Variants in FER observed in about 807,000 individuals in gnomAD.
FER encodes the protein FER tyrosine kinase, also known as tyrosine-protein kinase Fer.
A neutral mutation model predicts 111.0 loss-of-function variants in FER; 63 were observed. The observed-to-expected ratio is 0.57, with a 90% CI of 0.46 to 0.70. The LOEUF (loss-of-function observed/expected upper bound fraction) is 0.70, where lower values mean the gene tolerates loss of function less well. Ranked by LOEUF, FER falls within the 30% of genes least tolerant of loss-of-function variation. The pLI is 0.00. For missense variants in FER, 914 were observed against 954.0 expected, an observed-to-expected ratio of 0.96 and a Z score of 0.55; for synonymous variants, 327 against 313.9, an observed-to-expected ratio of 1.04 and a Z score of -0.44.
At chr5:108,918,519 C>G (rs1386837615) in intron 10 of FER, among the ~76,000 whole-genome samples, 1 of 145,742 alleles carries the variant, frequency 6.9e-6, no homozygotes, top group Admixed American at 6.9e-5. Context: ...TGGAGTCTCG[C>G]TCTGTTGCCC....
At chr5:108,871,730 A>T (rs1764619152) in intron 7 of FER, among the ~76,000 whole-genome samples, 1 of 151,882 alleles carries the variant, frequency 6.6e-6, no homozygotes, top group Non-Finnish European at 1.5e-5. Context: ...TCCATATTTA[A>T]TCCATGCTTA....
At chr5:108,959,185 A>T (rs755046936) in intron 12 of FER, 40 bp from the exon 13 acceptor site, 2 of 1,581,706 alleles carry the variant, frequency 1.3e-6, no homozygotes, top group African/African-American at 2.7e-5. Flanking sequence ...TTCTAAAGCA[A>T]TGTCTTCACA....
At chr5:109,064,475 C>G (rs1373521810) in intron 16 of FER, among the ~76,000 whole-genome samples, 1 of 152,108 alleles carries the variant, frequency 6.6e-6, no homozygotes, top group Non-Finnish European at 1.5e-5. Flanking sequence ...ATATCTATAA[C>G]TATTACTCTG....
At chr5:109,186,072 T>C in intron 18 of FER, 128 bp from the exon 19 acceptor site, 3 of 1,315,644 alleles carry the variant, frequency 2.3e-6, no homozygotes, top group East Asian at 2.3e-5. Flanking sequence ...ACCACTGTCA[T>C]ATATGTGCTC....
chr5:109,065,860 G>A (rs1561849521), intron 16 of FER, among the ~76,000 whole-genome samples: 1 of 152,174 alleles, frequency 6.6e-6, no homozygotes, highest in Non-Finnish European at 1.5e-5. Flanking sequence ...ATTCCAGAGA[G>A]AATATGATTG....
intron 13 of FER, among the ~76,000 whole-genome samples, chr5:109,022,602 C>A (rs1353325868): frequency 6.6e-6 from 1 of 152,046 alleles, no homozygotes; most frequent in Non-Finnish European, 1.5e-5. Context: ...TTGGGCCCCA[C>A]AAAGGCTAAT....
intron 3 of FER, among the ~76,000 whole-genome samples, chr5:108,825,301 C>T (rs1348867044): frequency 1.3e-5 from 2 of 152,132 alleles, no homozygotes; most frequent in African/African-American, 2.4e-5. Flanking sequence ...GAGACAGGTA[C>T]GCCCCGGGGG....
At position 108,825,914 on chromosome 5, in the gene FER, T is replaced by C. The variant is rs1266653494; in HGVS notation, c.208-6856T>C. ...GTCATACTTTTCTTTCTGATTTGGA[T>C]TTTTAAAATTTCTTTTTATTGCCTA... On this transcript the variant is annotated intron_variant, in intron 3 of 19. Coordinates refer to ENST00000281092, the MANE Select transcript of FER (RefSeq NM_005246.4). 2.6e-5 allele frequency among the ~76,000 whole-genome samples: 4 copies of C among 152,212 alleles called. No homozygotes were observed. In the South Asian group the frequency reaches 6.2e-4, roughly 24 times the overall value.
intron 3 of FER, among the ~76,000 whole-genome samples, chr5:108,827,114 C>A (rs929607643): frequency 6.6e-6 from 1 of 152,166 alleles, no homozygotes. Flanking sequence ...GGTTATTGGT[C>A]TCTTTGAATT....
At chr5:108,873,164 A>C (rs769245996) in intron 8 of FER, among the ~76,000 whole-genome samples, 2 of 151,828 alleles carry the variant, frequency 1.3e-5, no homozygotes, top group Non-Finnish European at 2.9e-5. Context: ...TTTAATTTTG[A>C]GATGAGGTCT....
At chr5:108,973,354 A>G (rs1435257745) in intron 13 of FER, among the ~76,000 whole-genome samples, 4 of 152,172 alleles carry the variant, frequency 2.6e-5, no homozygotes, top group Non-Finnish European at 5.9e-5. Context: ...CATGCTAAGA[A>G]TTTTAATGAC....
chr5:108,830,825 TG>T (rs1289299759), intron 3 of FER: 1 of 152,338 alleles, frequency 6.6e-6, no homozygotes, highest in East Asian at 1.9e-4. Context: ...TTAGCAGCGT[TG>T]GGGTGTTGGG....
intron 3 of FER, among the ~76,000 whole-genome samples, chr5:108,802,817 CTGTT>C (rs1756818128): frequency 6.6e-6 from 1 of 152,106 alleles, no homozygotes; most frequent in Admixed American, 6.5e-5. Context: ...AAACAGGTGT[CTGTT>C]TGGTAGAACT....
intron 16 of FER, among the ~76,000 whole-genome samples, chr5:109,087,273 C>T (rs1777672889): frequency 6.6e-6 from 1 of 151,562 alleles, no homozygotes; most frequent in African/African-American, 2.4e-5. Context: ...AAAATTTATT[C>T]AGACTTGTTT....
At chr5:108,826,041 A>G (rs1430484634) in intron 3 of FER, among the ~76,000 whole-genome samples, 1 of 152,142 alleles carries the variant, frequency 6.6e-6, no homozygotes, top group African/African-American at 2.4e-5. Flanking sequence ...GTTTTTTACC[A>G]TTGACTATGT....
intron 9 of FER, among the ~76,000 whole-genome samples, chr5:108,889,650 A>G (rs1747717331): frequency 6.6e-6 from 1 of 151,990 alleles, no homozygotes; most frequent in South Asian, 2.1e-4. Context: ...ACATTTTAAA[A>G]TAACTAAAAG....
chr5:109,089,336 AT>A (rs1777909720), intron 16 of FER, among the ~76,000 whole-genome samples: 1 of 152,194 alleles, frequency 6.6e-6, no homozygotes, highest in South Asian at 2.1e-4. Context: ...CCCCTTTCAC[AT>A]TTTTTGAAGC....
intron 3 of FER, among the ~76,000 whole-genome samples, chr5:108,798,674 C>T (rs2150045861): frequency 6.6e-6 from 1 of 152,162 alleles, no homozygotes; most frequent in Non-Finnish European, 1.5e-5. Context: ...GTGGTGAAAC[C>T]CTGTCTCTAC....
At chr5:109,005,121 G>A (rs2149790413) in intron 13 of FER, among the ~76,000 whole-genome samples, 1 of 152,128 alleles carries the variant, frequency 6.6e-6, no homozygotes, top group East Asian at 1.9e-4. Context: ...TGCAAATGGG[G>A]CTGCCCATGA....
Sources: gnomAD v4.1 joint callset for allele counts (sites outside exome capture counted in the v4.1 genomes callset) on GRCh38, gnomAD v4.1.1 for gene constraint, MANE v1.5 for transcripts, NCBI Gene and HGNC (gene_info 2026-07-23, HGNC 2026-07-21) for gene names.